The following ZSCAN18 variants were observed in gnomAD, a reference collection of about 807,000 sequenced individuals.
ZSCAN18 encodes zinc finger and SCAN domain containing 18.
In ZSCAN18, 16 loss-of-function variants were observed where a neutral mutation model predicts 31.1. That is an observed-to-expected ratio of 0.51 (90% CI 0.35 to 0.78). The LOEUF (loss-of-function observed/expected upper bound fraction) is 0.78, where lower values mean the gene tolerates loss of function less well. Ranked by LOEUF, ZSCAN18 falls within the 30% of genes least tolerant of loss-of-function variation. The pLI is 0.01. For synonymous variants in ZSCAN18, 375 were observed against 320.7 expected (o/e 1.17, Z -1.81); for missense variants, 731 against 697.4 (o/e 1.05, Z -0.54).
At chr19:58,098,017 A>G in intron 1 of ZSCAN18, 157 bp downstream of exon 1, 1 of 985,668 alleles carries the variant, frequency 1.0e-6, no homozygotes, top group Non-Finnish European at 1.2e-6. Flanking sequence ...AAGGGATGCC[A>G]GACCCTCGGC....
Position 58,087,125 on chromosome 19 carries a change from A to T in ZSCAN18, c.643-117T>A. ...CAGCCCTGGCCAGGGACTCTAACCC[A>T]GGTGCACTGCAGGAGGCAGCCCCCT... On this transcript the variant is annotated intron_variant, in intron 4 of 6. Coordinates refer to ENST00000601144, the MANE Select transcript of ZSCAN18 (RefSeq NM_001145543.2). 7.8e-6 allele frequency: 8 copies of T among 1,020,008 alleles called. No homozygotes were observed. In the South Asian group the frequency reaches 1.2e-4, roughly 16 times the overall value. The allele number at this position is 1,020,008 out of a possible 1,614,324, so 63.2% of individuals were successfully genotyped here.
Position 58,106,504 on chromosome 19 carries a change from CA to C in ZSCAN18, c.130+11762del. ...GATCACGAGGTCAGGAGATCGAGACCATCCCGGCTAAAACGGTGAAACCCCG... is the reference window on the plus strand; with the variant it reads ...GATCACGAGGTCAGGAGATCGAGACCTCCCGGCTAAAACGGTGAAACCCCG... On this transcript the variant is annotated intron_variant, in intron 1 of 1. Coordinates refer to the ZSCAN18 transcript ENST00000595721. Among the ~76,000 whole-genome samples, 4 of 52,546 alleles carry C rather than the reference CA, an allele frequency of 7.6e-5. 2 individuals are homozygous for C. The allele number at this position is 52,546 out of a possible 152,430, so 34.5% of individuals were successfully genotyped here.
intron 2 of ZSCAN18, among the ~76,000 whole-genome samples, chr19:58,089,302 C>CAAAAAAAA (rs374086957): frequency 2.2e-5 from 1 of 45,292 alleles, no homozygotes; most frequent in African/African-American, 8.6e-5. Context: ...GACTCCGTCT[C>CAAAAAAAA]AAAAAAAAAA....
Position 58,109,661 on chromosome 19 carries a change from A to C in ZSCAN18, c.130+8606T>G, listed in dbSNP as rs114695027. On this transcript the variant is annotated intron_variant, in intron 1 of 1. Coordinates refer to the ZSCAN18 transcript ENST00000595721. Reference sequence around the variant, plus strand: ...TCTCAGGCATATTATTTGAAAGAGGAAGTATATATACTGAAAGTGCACAGT... The same window carrying C: ...TCTCAGGCATATTATTTGAAAGAGGCAGTATATATACTGAAAGTGCACAGT... Among the ~76,000 whole-genome samples the C allele has an allele frequency of 8.4e-3, 1,273 of 152,332 alleles. 20 individuals are homozygous for C. Among genetic ancestry groups the C allele is most frequent in the African/African-American group, 0.029 (1,212 of 41,568 alleles).
Position 58,086,945 on chromosome 19 carries a change from C to T in ZSCAN18, c.706G>A (p.Glu236Lys), listed in dbSNP as rs749880049. 7 of 1,613,958 alleles carry T rather than the reference C, an allele frequency of 4.3e-6. No homozygotes were observed. The highest frequency in any genetic ancestry group is 3.3e-5 in the South Asian group (3 of 91,084). ...LGEWGHLDPA[E>K]ENLKSYRKLL... ...TTCCGGTAGCTCTTCAGGTTCTCCT[C>T]GGCAGGGTCCAGGTGGCCCCACTCC... is the stretch of plus-strand genomic sequence containing the variant. The change falls in exon 5 of 7, where the codon GAG (glutamate) becomes AAG (lysine). Residue 236 changes from glutamate to lysine, a missense_variant. By Grantham distance (56) the Glu-to-Lys change is moderately conservative (BLOSUM62 1). This residue lies in a region of ZSCAN18 where 597 missense variants were observed against 499.5 expected (regional missense o/e 1.20). Coordinates refer to ENST00000601144, the MANE Select transcript of ZSCAN18 (RefSeq NM_001145543.2).
chr19:58,116,082 TGCAAAGTCTTGTA>T (rs1298516815), intron 1 of ZSCAN18, among the ~76,000 whole-genome samples: 1 of 151,254 alleles, frequency 6.6e-6, no homozygotes, highest in Non-Finnish European at 1.5e-5. Context: ...AGAAGAAGGT[TGCAAAGTCTTGTA>T]GCACATAAAG....
intron 1 of ZSCAN18, among the ~76,000 whole-genome samples, chr19:58,104,299 A>C (rs1253862673): frequency 6.6e-6 from 1 of 152,006 alleles, no homozygotes; most frequent in Non-Finnish European, 1.5e-5. Flanking sequence ...GAATTGCTTG[A>C]ACCTGGGAGG....
chr19:58,084,255 AAGGCTAAAC>A lies in ZSCAN18; in HGVS notation c.*421_*429del, dbSNP rs2074213753. On this transcript the variant is annotated 3_prime_UTR_variant, in exon 7 of 7. Transcript: ENST00000601144. The surrounding 1 kb of genome is among the most constrained non-coding windows in gnomAD (Gnocchi z 4.5). ...AAGTTGACATCACGCCAAGTACGAA[AAGGCTAAAC>A]AGCTGACAAAATTTCCACTTGAGCA... The A allele has an allele frequency of 6.2e-6, 1 of 161,456 alleles. No homozygotes were observed. The highest frequency in any genetic ancestry group is 1.3e-5 in the Non-Finnish European group (1 of 74,464). 10.0% of individuals were successfully genotyped at this position (161,456 alleles called of 1,614,324 possible).
At position 58,090,594 on chromosome 19, in the gene ZSCAN18, A is replaced by AT. The variant is rs2074391213; in HGVS notation, c.-119-209dup. On this transcript the variant is annotated intron_variant, in intron 1 of 6. Coordinates refer to ENST00000601144, the MANE Select transcript of ZSCAN18 (RefSeq NM_001145543.2). This position sits in a 1 kb window ranked among gnomAD's most constrained non-coding sequence, Gnocchi z 4.7. ...GTAACTCATTCTGTGCATTACCAGA[A>AT]TTTTTTTTTCTTTGAGACCGAGTCA... 5.5e-4 allele frequency: 250 copies of AT among 454,764 alleles called. No homozygotes were observed. The highest frequency in any genetic ancestry group is 1.1e-3 in the South Asian group (18 of 16,806). 28.2% of individuals were successfully genotyped at this position (454,764 alleles called of 1,614,324 possible).
rs2074397630 is a variant in ZSCAN18 at position 58,090,899 on chromosome 19, G to T, written c.-119-513C>A. Among the ~76,000 whole-genome samples, 1 of 151,390 alleles carries T rather than the reference G, an allele frequency of 6.6e-6. No individual in the cohort carries two copies. The highest frequency in any genetic ancestry group is 1.5e-5 in the Non-Finnish European group (1 of 67,874). On this transcript the variant is annotated intron_variant, in intron 1 of 6. Transcript: ENST00000601144. The surrounding 1 kb of genome is among the most constrained non-coding windows in gnomAD (Gnocchi z 4.7). Reference sequence around the variant, plus strand: ...GCCACTGCGCCCAGCATCATTACCAGAATTTTAAAAAATCAGTCATGAATA... The same window carrying T: ...GCCACTGCGCCCAGCATCATTACCATAATTTTAAAAAATCAGTCATGAATA...
chr19:58,098,370 G>C, upstream of ZSCAN18: 1 of 985,506 alleles, frequency 1.0e-6, no homozygotes, highest in Non-Finnish European at 1.2e-6. Context: ...ACGCGAGTGT[G>C]GCCTCCCGGC....
rs767592389 is a variant in ZSCAN18 at position 58,090,413 on chromosome 19, G to A, written c.-119-27C>T. 4.8e-5 allele frequency: 71 copies of A among 1,488,028 alleles called. No individual in the cohort carries two copies. The highest frequency in any genetic ancestry group is 6.3e-5 in the Non-Finnish European group (70 of 1,115,160). 92.2% of individuals were successfully genotyped at this position (1,488,028 alleles called of 1,614,324 possible). A position where few individuals can be genotyped will look rare whatever the true frequency, so the allele number is the denominator to read the frequency against. ...TGCAGAGGACACGGACAAGGCAATG[G>A]CCTTGCATAAGGCCAGGGCGCAGCC... On this transcript the variant is annotated intron_variant, in intron 1 of 6. Transcript: ENST00000601144. This position sits in a 1 kb window ranked among gnomAD's most constrained non-coding sequence, Gnocchi z 4.7.
intron 1 of ZSCAN18, among the ~76,000 whole-genome samples, chr19:58,114,161 G>C (rs1305952990): frequency 6.6e-6 from 1 of 152,054 alleles, no homozygotes. Context: ...CCAGCTACTT[G>C]GGAGGCTGAG....
chr19:58,092,771 C>CTTTTTTTT, intron 1 of ZSCAN18: 2 of 761,992 alleles, frequency 2.6e-6, no homozygotes, highest in Non-Finnish European at 3.1e-6. Context: ...GATACCTCTA[C>CTTTTTTTT]TTTTTTTTTT....
upstream of ZSCAN18, among the ~76,000 whole-genome samples, chr19:58,101,051 CTATG>C (rs900517123): frequency 1.8e-4 from 28 of 151,896 alleles, no homozygotes; most frequent in Non-Finnish European, 3.7e-4. Context: ...TTCCACTGAT[CTATG>C]TGTCTGCCAA....
rs779834219 is a variant in ZSCAN18, at chr19:58,084,673, C to A, written c.*12G>T. On this transcript the variant is annotated 3_prime_UTR_variant, in exon 7 of 7. Coordinates refer to ENST00000601144, the MANE Select transcript of ZSCAN18 (RefSeq NM_001145543.2). The surrounding 1 kb of genome is among the most constrained non-coding windows in gnomAD (Gnocchi z 4.5). The stretch of plus-strand genomic sequence containing the variant: ...GCAAAGCGGCCCCTCCGGAACGGGA[C>A]AGCACAGCGGCTCACCTCTGCGCCT... 36 of 1,480,210 alleles carry A rather than the reference C, an allele frequency of 2.4e-5. No individual in the cohort carries two copies. The highest frequency in any genetic ancestry group is 3.2e-5 in the Non-Finnish European group (36 of 1,124,688). The allele number at this position is 1,480,210 out of a possible 1,614,324, so 91.7% of individuals were successfully genotyped here.
Position 58,084,937 on chromosome 19 carries a change from G to A in ZSCAN18, c.1281C>T (p.His427=). The A allele has an allele frequency of 6.3e-7, 1 of 1,597,600 alleles. No individual in the cohort carries two copies. Among genetic ancestry groups the A allele is most frequent in the Non-Finnish European group, 8.5e-7 (1 of 1,174,364 alleles). ...ECGEAFAWLS[H]LMEHHSSHGG... ...CATGGCTGCTGTGGTGCTCCATCAGGTGCGAGAGCCACGCGAAGGCCTCCC... is the reference window on the plus strand; with the variant it reads ...CATGGCTGCTGTGGTGCTCCATCAGATGCGAGAGCCACGCGAAGGCCTCCC... The change falls in exon 7 of 7, where the codon CAC becomes CAT. Residue 427 remains histidine (H), a synonymous_variant. Transcript: ENST00000601144. The surrounding 1 kb of genome is among the most constrained non-coding windows in gnomAD (Gnocchi z 4.5).
chr19:58,110,073 TCTCA>T (rs1372316782), intron 1 of ZSCAN18, among the ~76,000 whole-genome samples: 2 of 152,096 alleles, frequency 1.3e-5, no homozygotes, highest in Non-Finnish European at 2.9e-5. Flanking sequence ...TAGAGACAAG[TCTCA>T]CTATGTTGCC....
At chr19:58,101,073 T>C (rs1052470372), upstream of ZSCAN18, among the ~76,000 whole-genome samples, 2 of 152,050 alleles carry the variant, frequency 1.3e-5, no homozygotes, top group Admixed American at 6.6e-5. Context: ...CAATACCACA[T>C]TGGGTTACCA....
Sources: allele counts gnomAD v4.1 joint callset (sites outside exome capture counted in the v4.1 genomes callset), GRCh38; gene constraint gnomAD v4.1.1; regional missense constraint gnomAD v4.1.1; non-coding constraint Gnocchi (gnomAD v3.1); transcripts MANE v1.5; gene names NCBI Gene and HGNC (gene_info 2026-07-23, HGNC 2026-07-21).